The following ZNF578 variants were observed in gnomAD, a reference collection of about 807,000 sequenced individuals.
ZNF578 encodes the protein zinc finger protein 578, also known as Putative chemokine-related protein B42.
Under a neutral mutation model 8.3 loss-of-function variants are expected in ZNF578, and 8 were observed. The observed-to-expected ratio is 0.96, with a 90% CI of 0.56 to 1.74. The LOEUF is 1.74. Among genes scored for constraint, ZNF578 ranks in the 40% most tolerant of loss-of-function variants. The pLI, the probability that ZNF578 is intolerant of heterozygous loss-of-function variation, is 0.00. For synonymous variants in ZNF578, 206 were observed against 232.2 expected, an observed-to-expected ratio of 0.89 and a Z score of 1.03; for missense variants, 726 against 707.5, an observed-to-expected ratio of 1.03 and a Z score of -0.30.
At chr19:52,459,794 G>T (rs1599880181) in intron 2 of ZNF578, among the ~76,000 whole-genome samples, 9 of 1,852 alleles carry the variant, frequency 4.9e-3, no homozygotes, top group South Asian at 0.037. Context: ...TTTTTTTTTT[G>T]AGATGGAGTC....
At chr19:52,499,954 C>G (rs1244181958) in intron 3 of ZNF578, among the ~76,000 whole-genome samples, 4 of 152,116 alleles carry the variant, frequency 2.6e-5, no homozygotes, top group African/African-American at 7.2e-5. Flanking sequence ...TCCACTGTTC[C>G]AGCCCCACGG....
intron 4 of ZNF578, among the ~76,000 whole-genome samples, chr19:52,502,631 G>T (rs938182338): frequency 3.3e-5 from 5 of 152,158 alleles, no homozygotes; most frequent in African/African-American, 1.2e-4. Context: ...CAGCTACTTA[G>T]GAGACGGAGG....
chr19:52,480,065 A>G (rs542438492), intron 2 of ZNF578, among the ~76,000 whole-genome samples: 1 of 152,228 alleles, frequency 6.6e-6, no homozygotes, highest in East Asian at 1.9e-4. Context: ...GCCTGCCACC[A>G]TGCCCGGCAA....
intron 2 of ZNF578, among the ~76,000 whole-genome samples, chr19:52,464,700 A>G (rs78749156): frequency 6.6e-6 from 1 of 152,196 alleles, no homozygotes; most frequent in Admixed American, 6.5e-5. Flanking sequence ...TGATGTAACA[A>G]TCTGGAAATT....
chr19:52,459,713 A>ATGTGTGTGTGTGTG (rs1555751309), intron 2 of ZNF578, among the ~76,000 whole-genome samples: 1 of 18,240 alleles, frequency 5.5e-5, no homozygotes, highest in African/African-American at 1.4e-4. Flanking sequence ...ATATGTAGAT[A>ATGTGTGTGTGTGTG]TGTGTGTGTG....
intron 2 of ZNF578, among the ~76,000 whole-genome samples, chr19:52,466,507 A>C (rs540643262): frequency 2.0e-4 from 30 of 151,934 alleles, no homozygotes; most frequent in Non-Finnish European, 3.4e-4. Flanking sequence ...AGTTTTCTCT[A>C]TGTTTTTTAA....
intron 5 of ZNF578, among the ~76,000 whole-genome samples, 173 bp from the exon 6 acceptor site, chr19:52,510,399 A>G (rs946263415): frequency 6.6e-6 from 1 of 152,216 alleles, no homozygotes; most frequent in African/African-American, 2.4e-5. Flanking sequence ...TTTGAAGGAC[A>G]TGTAATTGTC....
At position 52,489,908 on chromosome 19, in the gene ZNF578, G is replaced by A. The variant is rs10413273; in HGVS notation, c.-121-1416G>A. Reference sequence around the variant, plus strand: ...CCTGACCTCGTGATCTGCCCGCCTCGGCCTCCCAAAGTGCTGGGATTACAG... The same window carrying A: ...CCTGACCTCGTGATCTGCCCGCCTCAGCCTCCCAAAGTGCTGGGATTACAG... On this transcript the variant is annotated intron_variant, in intron 2 of 5. Transcript: ENST00000421239. 1.2e-3 allele frequency among the ~76,000 whole-genome samples: 179 copies of A among 152,044 alleles called. 2 individuals carry two copies. The highest frequency in any genetic ancestry group is 4.0e-3 in the African/African-American group (167 of 41,498).
chr19:52,507,481 T>TA (rs1282684445), intron 5 of ZNF578, among the ~76,000 whole-genome samples: 1 of 151,864 alleles, frequency 6.6e-6, no homozygotes, highest in African/African-American at 2.4e-5. Flanking sequence ...TCTCTTTAGG[T>TA]AGGAGAATCG....
At chr19:52,500,765 G>A (rs2122932643) in intron 3 of ZNF578, among the ~76,000 whole-genome samples, 1 of 152,196 alleles carries the variant, frequency 6.6e-6, no homozygotes, top group Middle Eastern at 3.4e-3. Flanking sequence ...ACTTTGAATA[G>A]AAGGGGAGTC....
chr19:52,458,460 T>A (rs2059246072), intron 2 of ZNF578: 1 of 17,786 alleles, frequency 5.6e-5, no homozygotes, highest in Non-Finnish European at 1.2e-4. Context: ...AACAACTTGC[T>A]ACTATGTTTA....
intron 2 of ZNF578, among the ~76,000 whole-genome samples, chr19:52,465,209 T>C (rs889785007): frequency 6.6e-6 from 1 of 151,890 alleles, no homozygotes; most frequent in Non-Finnish European, 1.5e-5. Flanking sequence ...CTCCCCATAA[T>C]GAACTGCGGG....
rs753429874 is a variant in ZNF578, at chr19:52,510,953, C to T, written c.572C>T (p.Ser191Leu). Residue 191 changes from serine (S) to leucine (L), a missense_variant, in exon 6 of 6, where the codon TCA (serine) becomes TTA (leucine). Coordinates refer to ENST00000421239, the MANE Select transcript of ZNF578 (RefSeq NM_001099694.2). ...TCTGTCAACGATGCTTCCTCAATTT[C>T]AACATCCCAAAGAATTTCTTGTAGG... ...EKSVNDASSISTSQRISCRPE... is the reference protein window; with the variant it reads ...EKSVNDASSILTSQRISCRPE... 1 of 1,614,176 alleles carries T rather than the reference C, an allele frequency of 6.2e-7. No individual in the cohort carries two copies. The highest frequency in any genetic ancestry group is 8.5e-7 in the Non-Finnish European group (1 of 1,180,020).
In ZNF578 at chr19:52,474,103, G is replaced by T. The variant is rs1403104360; in HGVS notation, c.-122+17145G>T. 1.1e-5 allele frequency: 4 copies of T among 352,624 alleles called. No homozygotes were observed. In the East Asian group the frequency reaches 2.2e-4, roughly 20 times the overall value. The allele number at this position is 352,624 out of a possible 1,614,324, so 21.8% of individuals were successfully genotyped here. On this transcript the variant is annotated intron_variant, in intron 2 of 5. Transcript: ENST00000421239. ...CTCCAGTATGAATTCTCTGATGATT[G>T]CTTAGGGATAAACTATGCCTGAAGA... is the stretch of plus-strand genomic sequence containing the variant.
Position 52,512,163 on chromosome 19 carries a change from C to A in ZNF578, c.*9C>A. 6.2e-7 allele frequency: 1 copy of A among 1,613,718 alleles called. No homozygotes were observed. Among genetic ancestry groups the A allele is most frequent in the South Asian group, 1.1e-5 (1 of 91,046 alleles). On this transcript the variant is annotated 3_prime_UTR_variant, in exon 6 of 6. Transcript: ENST00000421239. ...CTTGCATGTCATCATAGACTTCATA[C>A]TGGAGAGAAACCTTACAAATGTGAA...
At chr19:52,496,857 G>C (rs2608490) in intron 3 of ZNF578, among the ~76,000 whole-genome samples, 30,313 of 150,766 alleles carry the variant, frequency 0.2, 3,197 homozygotes, top group Non-Finnish European at 0.22. Context: ...GGCTGGTCTT[G>C]AACACCTGAC....
chr19:52,471,389 A>G (rs1279977622), intron 2 of ZNF578, among the ~76,000 whole-genome samples: 1 of 152,112 alleles, frequency 6.6e-6, no homozygotes, highest in Non-Finnish European at 1.5e-5. Context: ...TCTCCCTAAT[A>G]AACTCCCTTT....
At chr19:52,490,923 G>T (rs1430945157) in intron 2 of ZNF578, among the ~76,000 whole-genome samples, 2 of 152,100 alleles carry the variant, frequency 1.3e-5, no homozygotes, top group African/African-American at 4.8e-5. Context: ...ATAGTATATT[G>T]TATGGTCTTT....
At chr19:52,466,632 T>A (rs2059276041) in intron 2 of ZNF578, among the ~76,000 whole-genome samples, 1 of 152,208 alleles carries the variant, frequency 6.6e-6, no homozygotes, top group Admixed American at 6.5e-5. Context: ...CAAACAAAAA[T>A]GGCGATTTTT....
Sources: gnomAD v4.1 joint callset for allele counts (sites outside exome capture counted in the v4.1 genomes callset) on GRCh38, gnomAD v4.1.1 for gene constraint, MANE v1.5 for transcripts, NCBI Gene and HGNC (gene_info 2026-07-23, HGNC 2026-07-21) for gene names.